HHAT: variants seen among roughly 807,000 people sequenced by gnomAD.
HHAT encodes the protein protein-cysteine N-palmitoyltransferase HHAT.
Under a neutral mutation model 70.8 loss-of-function variants are expected in HHAT, and 47 were observed. The ratio of observed to expected loss-of-function variants is 0.66; its 90% CI spans 0.53 to 0.85. The LOEUF is 0.85. Ranked by LOEUF, HHAT falls within the 40% of genes least tolerant of loss-of-function variation. The probability of loss-of-function intolerance (pLI) is 0.00; values close to 1 mark genes in which losing one functional copy is unlikely to be tolerated. For missense variants in HHAT, 609 were observed against 604.8 expected (o/e 1.01, Z -0.07); for synonymous variants, 228 against 247.6 (o/e 0.92, Z 0.74).
intron 1 of HHAT, among the ~76,000 whole-genome samples, chr1:210,331,226 T>A (rs1212875559): frequency 6.6e-6 from 1 of 151,762 alleles, no homozygotes; most frequent in Non-Finnish European, 1.5e-5. Context: ...GAGCTTGTTT[T>A]TCTGCAACTA....
At position 210,624,761 on chromosome 1, in the gene HHAT, T is replaced by C. The variant is rs1032832379; in HGVS notation, c.1390+1091T>C. ...GAGTTACATCATATCTATAAGAGAA[T>C]TGGGAGATTTGGAACTACTCATGGT... On this transcript the variant is annotated intron_variant, in intron 11 of 11. Coordinates refer to ENST00000261458, the MANE Select transcript of HHAT (RefSeq NM_018194.6). 7.2e-5 allele frequency among the ~76,000 whole-genome samples: 11 copies of C among 152,190 alleles called. No homozygotes were observed. In the East Asian group the frequency reaches 7.7e-4, roughly 11 times the overall value.
intron 3 of HHAT, among the ~76,000 whole-genome samples, chr1:210,370,881 T>C (rs1441258290): frequency 6.6e-6 from 1 of 152,186 alleles, no homozygotes; most frequent in African/African-American, 2.4e-5. Flanking sequence ...CCCAAAGTGC[T>C]GGGATTACAG....
intron 7 of HHAT, among the ~76,000 whole-genome samples, chr1:210,422,191 T>G (rs2092923253): frequency 6.6e-6 from 1 of 152,340 alleles, no homozygotes; most frequent in East Asian, 1.9e-4. Flanking sequence ...CGTAGTGATG[T>G]TTTGATACAT....
chr1:210,508,474 AAC>A (rs1393441985), intron 8 of HHAT, among the ~76,000 whole-genome samples: 2 of 151,926 alleles, frequency 1.3e-5, no homozygotes, highest in Non-Finnish European at 2.9e-5. Flanking sequence ...AAATTTAAAT[AAC>A]AGTTTATAGT....
chr1:210,440,841 G>A (rs1000681439), intron 7 of HHAT, among the ~76,000 whole-genome samples: 9 of 152,178 alleles, frequency 5.9e-5, no homozygotes, highest in African/African-American at 2.2e-4. Flanking sequence ...AGTGTCTGAT[G>A]CTGACGGGTA....
intron 7 of HHAT, among the ~76,000 whole-genome samples, chr1:210,450,415 A>G (rs2093728319): frequency 6.6e-6 from 1 of 152,158 alleles, no homozygotes; most frequent in Non-Finnish European, 1.5e-5. Context: ...CTGCTTTTCA[A>G]ACATTTCTTC....
chr1:210,527,464 T>C (rs151292643), intron 9 of HHAT, among the ~76,000 whole-genome samples: 72 of 152,346 alleles, frequency 4.7e-4, no homozygotes, highest in African/African-American at 1.7e-3. Context: ...CATAGTACAC[T>C]TACAGTGCTT....
intron 9 of HHAT, among the ~76,000 whole-genome samples, chr1:210,543,054 A>T (rs1451196129): frequency 1.3e-5 from 2 of 152,164 alleles, no homozygotes; most frequent in Admixed American, 1.3e-4. Context: ...CAGTTAAGCA[A>T]AGCTTTTGAT....
At chr1:210,497,234 G>GT (rs1168908369) in intron 8 of HHAT, among the ~76,000 whole-genome samples, 1 of 152,164 alleles carries the variant, frequency 6.6e-6, no homozygotes, top group Non-Finnish European at 1.5e-5. Context: ...CATGATTTGT[G>GT]TAATATAATT....
At chr1:210,382,088 A>G (rs2090681067) in intron 3 of HHAT, among the ~76,000 whole-genome samples, 1 of 152,196 alleles carries the variant, frequency 6.6e-6, no homozygotes. Context: ...GTGAGTTGTG[A>G]TCTGGCAAGG....
At chr1:210,377,793 G>A (rs1316332852) in intron 3 of HHAT, among the ~76,000 whole-genome samples, 1 of 152,168 alleles carries the variant, frequency 6.6e-6, no homozygotes, top group African/African-American at 2.4e-5. Context: ...TCTGTGGCGA[G>A]GGGCAATGAA....
chr1:210,401,557 C>A (rs1020755895), intron 5 of HHAT, among the ~76,000 whole-genome samples: 1 of 152,244 alleles, frequency 6.6e-6, no homozygotes, highest in Non-Finnish European at 1.5e-5. Flanking sequence ...ACTCAACCAC[C>A]TATCCATTGT....
At chr1:210,673,588 C>CA (rs1418552932) in intron 11 of HHAT, among the ~76,000 whole-genome samples, 7 of 140,900 alleles carry the variant, frequency 5.0e-5, no homozygotes, top group Non-Finnish European at 1.1e-4. Context: ...GTGGATTCTT[C>CA]TTTTTTTTTT....
intron 9 of HHAT, among the ~76,000 whole-genome samples, chr1:210,582,447 A>G (rs1659476424): frequency 1.3e-5 from 2 of 152,080 alleles, no homozygotes; most frequent in South Asian, 2.1e-4. Flanking sequence ...TCATCTTCAT[A>G]CTTTGTTGGG....
chr1:210,621,494 T>G (rs1668821315), intron 10 of HHAT, among the ~76,000 whole-genome samples: 1 of 152,168 alleles, frequency 6.6e-6, no homozygotes, highest in African/African-American at 2.4e-5. Flanking sequence ...CCCAACTTCC[T>G]CTCACCCTGC....
chr1:210,410,778 G>A (rs1031388308), intron 6 of HHAT, among the ~76,000 whole-genome samples: 1 of 151,912 alleles, frequency 6.6e-6, no homozygotes, highest in Admixed American at 6.6e-5. Context: ...CGCCCGCCTT[G>A]GCCTCCCTAA....
At chr1:210,634,600 G>T (rs1451953903) in intron 11 of HHAT, among the ~76,000 whole-genome samples, 1 of 152,120 alleles carries the variant, frequency 6.6e-6, no homozygotes, top group African/African-American at 2.4e-5. Flanking sequence ...ACAGTCATTG[G>T]GTTTCTTTTT....
intron 9 of HHAT, among the ~76,000 whole-genome samples, chr1:210,549,139 C>T (rs562593205): frequency 1.5e-5 from 2 of 131,700 alleles, no homozygotes; most frequent in South Asian, 5.2e-4. Flanking sequence ...ACGGCATTTA[C>T]CTTGTAGGGT....
intron 3 of HHAT, among the ~76,000 whole-genome samples, chr1:210,378,923 A>G (rs1177784773): frequency 6.6e-6 from 1 of 152,230 alleles, no homozygotes; most frequent in Non-Finnish European, 1.5e-5. Context: ...CAGAGGAGAC[A>G]TTTCTTCCGT....
Sources: gnomAD v4.1 joint callset for allele counts (sites outside exome capture counted in the v4.1 genomes callset) on GRCh38, gnomAD v4.1.1 for gene constraint, MANE v1.5 for transcripts, NCBI Gene and HGNC (gene_info 2026-07-23, HGNC 2026-07-21) for gene names.